The following GREB1 variants were observed in gnomAD, a reference collection of about 807,000 sequenced individuals.
GREB1 encodes the protein growth regulating estrogen receptor binding 1, also known as protein GREB1.
In GREB1, 106 loss-of-function variants were observed where a neutral mutation model predicts 200.7. The ratio of observed to expected loss-of-function variants is 0.53; its 90% CI spans 0.45 to 0.62. The LOEUF (loss-of-function observed/expected upper bound fraction) is 0.62. GREB1 is among the 20% of genes least tolerant of loss of function. The probability of loss-of-function intolerance (pLI) is 0.00; values close to 1 mark genes in which losing one functional copy is unlikely to be tolerated. For synonymous variants in GREB1, 1,132 were observed against 1,092.4 expected, an observed-to-expected ratio of 1.04 and a Z score of -0.72; for missense variants, 2,243 against 2,556.8, an observed-to-expected ratio of 0.88 and a Z score of 2.65.
At position 11,597,870 on chromosome 2, in the gene GREB1, AG is replaced by A. The variant is rs775338753; in HGVS notation, c.2045del (p.Ser682ThrfsTer24). The A allele has an allele frequency of 1.2e-6, 2 of 1,614,188 alleles. No individual in the cohort carries two copies. Among genetic ancestry groups the A allele is most frequent in the Non-Finnish European group, 1.7e-6 (2 of 1,180,004 alleles). On this transcript the variant is annotated frameshift_variant, in exon 14 of 33. Transcript: ENST00000381486. LOFTEE classifies it high-confidence loss of function. This position sits in a 1 kb window ranked among gnomAD's most constrained non-coding sequence, Gnocchi z 4.1. ...LSHVCSIADS[S>X]TQNLDLGSFE... is the part of the protein sequence containing the mutation. Reference sequence around the variant, plus strand: ...CCATGTGTGTTCCATTGCGGATTCCAGCACCCAAAATCTGGACCTGGGATCC... The same window carrying A: ...CCATGTGTGTTCCATTGCGGATTCCACACCCAAAATCTGGACCTGGGATCC...
intron 1 of GREB1, among the ~76,000 whole-genome samples, chr2:11,523,622 G>C (rs558325237): frequency 6.6e-6 from 1 of 152,248 alleles, no homozygotes; most frequent in East Asian, 1.9e-4. Flanking sequence ...CTATATTTTG[G>C]ATAGATGTCT....
intron 1 of GREB1, among the ~76,000 whole-genome samples, chr2:11,494,375 C>T (rs1017370304): frequency 2.6e-5 from 4 of 152,250 alleles, no homozygotes; most frequent in Admixed American, 1.3e-4. Context: ...TAGAAATGTT[C>T]ATTCTTGGGT....
chr2:11,531,436 CAA>C (rs1471915953), upstream of GREB1, among the ~76,000 whole-genome samples: 1 of 151,306 alleles, frequency 6.6e-6, no homozygotes, highest in Admixed American at 6.6e-5. Flanking sequence ...TAATTTACCC[CAA>C]AAAAGCTGTT....
At position 11,492,425 on chromosome 2, in the gene GREB1, C is replaced by T. The variant is rs748583234; in HGVS notation, c.-159+10044C>T. ...CTCCTGGCCATGTGTACAGAATTTCCGCAAAAGGAGGACGATAAATTGGGA... is the reference window on the plus strand; with the variant it reads ...CTCCTGGCCATGTGTACAGAATTTCTGCAAAAGGAGGACGATAAATTGGGA... On this transcript the variant is annotated intron_variant, in intron 1 of 2. Coordinates refer to the GREB1 transcript ENST00000628795. The surrounding 1 kb of genome is among the most constrained non-coding windows in gnomAD (Gnocchi z 4.0). 6.6e-6 allele frequency among the ~76,000 whole-genome samples: 1 copy of T among 152,170 alleles called. No individual in the cohort carries two copies. Among genetic ancestry groups the T allele is most frequent in the African/African-American group, 2.4e-5 (1 of 41,428 alleles).
At position 11,612,356 on chromosome 2, in the gene GREB1, G is replaced by T. The variant is rs1398948092; in HGVS notation, c.3007-139G>T. ...CAAGTGGATGGTGTGCTTATTTGCAGTCTAAAGAAATTTCCTTTTGGTCAG... is the reference window on the plus strand; with the variant it reads ...CAAGTGGATGGTGTGCTTATTTGCATTCTAAAGAAATTTCCTTTTGGTCAG... On this transcript the variant is annotated intron_variant, in intron 18 of 32. Coordinates refer to ENST00000381486, the MANE Select transcript of GREB1 (RefSeq NM_014668.4). 7.1e-6 allele frequency: 10 copies of T among 1,410,892 alleles called. No individual in the cohort carries two copies. In the African/African-American group the frequency reaches 1.2e-4, roughly 16 times the overall value. The allele number at this position is 1,410,892 out of a possible 1,614,324, so 87.4% of individuals were successfully genotyped here. A position where few individuals can be genotyped will look rare whatever the true frequency, so the allele number is the denominator to read the frequency against.
At chr2:11,530,975 A>G (rs1674052842), upstream of GREB1, among the ~76,000 whole-genome samples, 1 of 152,110 alleles carries the variant, frequency 6.6e-6, no homozygotes. Context: ...AGCCCTTTGT[A>G]CAAGGCTGCC....
intron 1 of GREB1, among the ~76,000 whole-genome samples, chr2:11,547,048 G>A (rs1389183487): frequency 6.6e-6 from 1 of 150,570 alleles, no homozygotes; most frequent in Non-Finnish European, 1.5e-5. Flanking sequence ...GGGCTCAAGT[G>A]ATTCTCCTGC....
chr2:11,584,943 T>C, intron 7 of GREB1: 1 of 401,138 alleles, frequency 2.5e-6, no homozygotes. Flanking sequence ...CCAGGTTGCC[T>C]AAGGAGGGGT....
intron 1 of GREB1, among the ~76,000 whole-genome samples, chr2:11,485,059 C>T (rs192625378): frequency 6.6e-6 from 1 of 152,030 alleles, no homozygotes; most frequent in South Asian, 2.1e-4. Flanking sequence ...CATCTCCTGT[C>T]CTCGTGATCT....
At chr2:11,559,696 A>T (rs984163096) in intron 2 of GREB1, among the ~76,000 whole-genome samples, 3 of 152,144 alleles carry the variant, frequency 2.0e-5, no homozygotes, top group Non-Finnish European at 2.9e-5. Flanking sequence ...TGTGTCCGAC[A>T]TGGAGACCTG....
At chr2:11,513,434 A>G (rs1673404501) in intron 1 of GREB1, among the ~76,000 whole-genome samples, 1 of 152,190 alleles carries the variant, frequency 6.6e-6, no homozygotes, top group Non-Finnish European at 1.5e-5. Context: ...AACACTCAAG[A>G]TCTTTGCCAC....
rs567327000 is a variant in GREB1 at position 11,633,562 on chromosome 2, TAA to T, written c.4991+512_4991+513del. Among the ~76,000 whole-genome samples the T allele has an allele frequency of 1.2e-4, 16 of 131,630 alleles. No individual in the cohort carries two copies. Among genetic ancestry groups the T allele is most frequent in the Admixed American group, 2.3e-4 (3 of 12,940 alleles). 86.4% of individuals were successfully genotyped at this position (131,630 alleles called of 152,430 possible). A position where few individuals can be genotyped will look rare whatever the true frequency, so the allele number is the denominator to read the frequency against. The stretch of plus-strand genomic sequence containing the variant: ...CTGGCAGACAGAGCGAGACTCCGTC[TAA>T]AAAAAAAAAAAAGAAAGAAAAAAAT... On this transcript the variant is annotated intron_variant, in intron 28 of 32. Transcript: ENST00000381486. This position sits in a 1 kb window ranked among gnomAD's most constrained non-coding sequence, Gnocchi z 4.1.
intron 17 of GREB1, among the ~76,000 whole-genome samples, chr2:11,609,414 G>A (rs529241046): frequency 6.6e-6 from 1 of 152,132 alleles, no homozygotes; most frequent in Admixed American, 6.5e-5. Context: ...GATTACAGGC[G>A]TGTGCCACCA....
At chr2:11,491,263 C>G (rs1672769317) in intron 1 of GREB1, among the ~76,000 whole-genome samples, 1 of 152,190 alleles carries the variant, frequency 6.6e-6, no homozygotes, top group Admixed American at 6.5e-5. Context: ...ATTTCTGTAT[C>G]TACTGTTTTC....
chr2:11,585,402 G>A (rs1010902529), intron 8 of GREB1, 128 bp downstream of exon 8: 1 of 628,182 alleles, frequency 1.6e-6, no homozygotes, highest in South Asian at 2.3e-5. Flanking sequence ...TGATGAGGGA[G>A]TTCTAAGGAG....
chr2:11,619,007 C>T (rs1264743759), intron 22 of GREB1, 88 bp downstream of exon 22: 4 of 1,220,836 alleles, frequency 3.3e-6, no homozygotes, highest in Admixed American at 2.9e-5. Context: ...GGTGACCGCA[C>T]CCACGTCTTC....
rs761221041 is a variant in GREB1 at position 11,627,090 on chromosome 2, C to T, written c.4435C>T (p.His1479Tyr). Residue 1479 changes from histidine to tyrosine, a missense_variant, in exon 25 of 33, where the codon CAC (histidine) becomes TAC (tyrosine). Physicochemically the swap from His to Tyr is moderately conservative, Grantham distance 83 (BLOSUM62 2). This residue lies in a region of GREB1 where 587 missense variants were observed against 553.1 expected (regional missense o/e 1.06). Coordinates refer to ENST00000381486, the MANE Select transcript of GREB1 (RefSeq NM_014668.4). ...CEQCHQYMGF[H>Y]PRYQLYESTL... ...GCAGTGCCACCAGTACATGGGCTTC[C>T]ACCCCCGCTACCAGGTAGGCCCCAG... 8.1e-6 allele frequency: 13 copies of T among 1,598,212 alleles called. 1 individual carries two copies. In the South Asian group the frequency reaches 1.2e-4, roughly 15 times the overall value.
intron 17 of GREB1, among the ~76,000 whole-genome samples, chr2:11,607,378 T>A (rs983004741): frequency 4.0e-5 from 6 of 151,720 alleles, no homozygotes; most frequent in Non-Finnish European, 8.8e-5. Context: ...AGTTTATTAA[T>A]CTTATTTTCT....
intron 9 of GREB1, 139 bp from the exon 10 acceptor site, chr2:11,588,607 C>T (rs947921797): frequency 1.2e-6 from 1 of 800,038 alleles, no homozygotes; most frequent in African/African-American, 1.7e-5. Context: ...ATGAGCAAGG[C>T]TTCCCAGGAC....
Sources: allele counts gnomAD v4.1 joint callset (sites outside exome capture counted in the v4.1 genomes callset), GRCh38; gene constraint gnomAD v4.1.1; regional missense constraint gnomAD v4.1.1; non-coding constraint Gnocchi (gnomAD v3.1); transcripts MANE v1.5; gene names NCBI Gene and HGNC (gene_info 2026-07-23, HGNC 2026-07-21).